Variants in FAM20A observed in about 807,000 individuals in gnomAD.
The protein encoded by FAM20A is pseudokinase FAM20A.
A neutral mutation model predicts 52.0 loss-of-function variants in FAM20A; 42 were observed. The observed-to-expected ratio is 0.81, with a 90% CI of 0.63 to 1.04. The LOEUF is 1.04. Among genes scored for constraint, FAM20A ranks in the 50% least tolerant of loss-of-function variants. The pLI is 0.00. For synonymous variants in FAM20A, 304 were observed against 298.9 expected (o/e 1.02, Z -0.18); for missense variants, 742 against 712.7 (o/e 1.04, Z -0.47).
chr17:68,576,124 G>A (rs1046357667), intron 1 of FAM20A, among the ~76,000 whole-genome samples: 1 of 152,094 alleles, frequency 6.6e-6, no homozygotes, highest in Non-Finnish European at 1.5e-5. Flanking sequence ...CTCCAAATTC[G>A]TAGTGCCATG....
In FAM20A at chr17:68,550,369, C is replaced by CTTTTT. The variant is rs747654899; in HGVS notation, c.719+1499_719+1503dup. On this transcript the variant is annotated intron_variant, in intron 4 of 10. Coordinates refer to ENST00000592554, the MANE Select transcript of FAM20A (RefSeq NM_017565.4). The stretch of plus-strand genomic sequence containing the variant: ...CTTTCACATAGGAAAAATGGGGGAA[C>CTTTTT]TTTTTTTTTTTTTTTTTTTTTTTTT... 1.1e-3 allele frequency among the ~76,000 whole-genome samples: 87 copies of CTTTTT among 79,378 alleles called. 7 individuals are homozygous for CTTTTT. The highest frequency in any genetic ancestry group is 0.012 in the Middle Eastern group (1 of 84). The allele number at this position is 79,378 out of a possible 152,430, so 52.1% of individuals were successfully genotyped here.
intron 1 of FAM20A, among the ~76,000 whole-genome samples, chr17:68,572,524 G>A (rs2087593629): frequency 6.6e-6 from 1 of 152,094 alleles, no homozygotes; most frequent in South Asian, 2.1e-4. Flanking sequence ...TGGGCTTTTG[G>A]AAATGGCTTT....
chr17:68,589,869 G>A (rs1220913674), intron 1 of FAM20A, among the ~76,000 whole-genome samples: 1 of 152,144 alleles, frequency 6.6e-6, no homozygotes, highest in Admixed American at 6.5e-5. Context: ...AGGGGAGACA[G>A]GAATAATCTT....
chr17:68,561,099 C>G (rs1163626267), intron 1 of FAM20A, among the ~76,000 whole-genome samples: 1 of 152,110 alleles, frequency 6.6e-6, no homozygotes, highest in African/African-American at 2.4e-5. Flanking sequence ...TTTGACTTCA[C>G]TTATGGTGAT....
rs1177094835 is a variant in FAM20A, at chr17:68,575,647, A to G, written c.405-19904T>C. 2.7e-5 allele frequency among the ~76,000 whole-genome samples: 3 copies of G among 111,248 alleles called. No individual in the cohort carries two copies. The Admixed American group carries it at 3.5e-4, about 13-fold the overall frequency. 73.0% of individuals were successfully genotyped at this position (111,248 alleles called of 152,430 possible). On this transcript the variant is annotated intron_variant, in intron 1 of 10. Transcript: ENST00000592554. ...TATAAAATATAATATAGAATATTAT[A>G]TTTTATATATATTTTATATTTATAT...
intron 1 of FAM20A, among the ~76,000 whole-genome samples, chr17:68,579,004 ACT>A (rs1174645931): frequency 7.0e-6 from 1 of 143,392 alleles, no homozygotes; most frequent in Non-Finnish European, 1.5e-5. Flanking sequence ...ACAGAGCGAG[ACT>A]CTGTTTCAAA....
intron 1 of FAM20A, among the ~76,000 whole-genome samples, chr17:68,572,006 ATATATATATAT>A (rs2087567778): frequency 5.0e-5 from 2 of 40,294 alleles, no homozygotes; most frequent in African/African-American, 1.8e-4. Context: ...ATATATATAT[ATATATATATAT>A]ATATATATAT....
intron 1 of FAM20A, among the ~76,000 whole-genome samples, chr17:68,565,537 G>A (rs950312662): frequency 4.0e-5 from 6 of 151,834 alleles, no homozygotes; most frequent in African/African-American, 9.7e-5. Flanking sequence ...GGGATTACAG[G>A]TGTGTGCCAC....
At chr17:68,598,466 A>G (rs1333451212) in intron 1 of FAM20A, among the ~76,000 whole-genome samples, 1 of 152,200 alleles carries the variant, frequency 6.6e-6, no homozygotes, top group Non-Finnish European at 1.5e-5. Context: ...GTTGTGGCCC[A>G]CAAACCTTAC....
intron 6 of FAM20A, 84 bp downstream of exon 6, chr17:68,542,610 G>T: frequency 9.8e-7 from 1 of 1,024,792 alleles, no homozygotes; most frequent in Non-Finnish European, 1.5e-6. Context: ...GCAGCAGGGT[G>T]TCAGGCCACT....
At chr17:68,574,369 C>T (rs1009501712) in intron 1 of FAM20A, among the ~76,000 whole-genome samples, 41 of 152,234 alleles carry the variant, frequency 2.7e-4, no homozygotes, top group African/African-American at 8.4e-4. Context: ...GTGCTAGCTC[C>T]GGTTTCCTTT....
chr17:68,590,728 C>A (rs1431755203), intron 1 of FAM20A, among the ~76,000 whole-genome samples: 1 of 152,166 alleles, frequency 6.6e-6, no homozygotes, highest in African/African-American at 2.4e-5. Context: ...CTTTCTGGTA[C>A]CATGTTAGTC....
At chr17:68,545,952 G>C (rs1362819664) in intron 4 of FAM20A, among the ~76,000 whole-genome samples, 1 of 152,004 alleles carries the variant, frequency 6.6e-6, no homozygotes, top group Non-Finnish European at 1.5e-5. Flanking sequence ...GGTGGATCAC[G>C]AGGTCAGGTG....
intron 1 of FAM20A, among the ~76,000 whole-genome samples, chr17:68,578,706 A>AGGCTCGGCCAGGTGCAGT (rs926632139): frequency 3.3e-5 from 5 of 151,962 alleles, no homozygotes; most frequent in African/African-American, 1.2e-4. Flanking sequence ...AAAAATGTCT[A>AGGCTCGGCCAGGTGCAGT]GGCTCGGCCA....
chr17:68,568,415 C>T (rs1347912093), intron 1 of FAM20A, among the ~76,000 whole-genome samples: 1 of 151,580 alleles, frequency 6.6e-6, no homozygotes, highest in Non-Finnish European at 1.5e-5. Flanking sequence ...TTGCAGTGAG[C>T]GGAGATCGCG....
intron 3 of FAM20A, among the ~76,000 whole-genome samples, chr17:68,554,303 G>A (rs986316444): frequency 6.6e-6 from 1 of 152,098 alleles, no homozygotes; most frequent in Non-Finnish European, 1.5e-5. Context: ...GGTTTTCACT[G>A]TTGGCCAGGC....
chr17:68,574,415 A>G (rs1185333966), intron 1 of FAM20A, among the ~76,000 whole-genome samples: 1 of 152,086 alleles, frequency 6.6e-6, no homozygotes, highest in Non-Finnish European at 1.5e-5. Flanking sequence ...CACTCCCACG[A>G]TAACCCGTTA....
chr17:68,597,041 A>T (rs185392902), intron 1 of FAM20A, among the ~76,000 whole-genome samples: 20 of 152,284 alleles, frequency 1.3e-4, no homozygotes, highest in African/African-American at 4.6e-4. Context: ...TTAAAAACCC[A>T]AGACATTCAA....
At position 68,600,963 on chromosome 17, in the gene FAM20A, G is replaced by GCGCC. The variant is rs1309369136; in HGVS notation, c.-301_-298dup. On this transcript the variant is annotated 5_prime_UTR_variant, in exon 1 of 11. Transcript: ENST00000592554. This position sits in a 1 kb window ranked among gnomAD's most constrained non-coding sequence, Gnocchi z 6.2. ...CCGCTTCTTGCGCCTTTTCTCCCGTGCGCCCGCCCGCCCGGACGCTCGCGG... is the reference window on the plus strand; with the variant it reads ...CCGCTTCTTGCGCCTTTTCTCCCGTGCGCCCGCCCGCCCGCCCGGACGCTCGCGG... 7.0e-6 allele frequency: 2 copies of GCGCC among 284,156 alleles called. No homozygotes were observed. The highest frequency in any genetic ancestry group is 5.3e-5 in the Admixed American group (1 of 18,874). The allele number at this position is 284,156 out of a possible 1,614,324, so 17.6% of individuals were successfully genotyped here.
Sources: allele counts gnomAD v4.1 joint callset (sites outside exome capture counted in the v4.1 genomes callset), GRCh38; gene constraint gnomAD v4.1.1; non-coding constraint Gnocchi (gnomAD v3.1); transcripts MANE v1.5; gene names NCBI Gene and HGNC (gene_info 2026-07-23, HGNC 2026-07-21).